Variants in DLGAP2 observed in about 807,000 individuals in gnomAD.
The protein encoded by DLGAP2 is DLG associated protein 2.
A neutral mutation model predicts 100.3 loss-of-function variants in DLGAP2; 26 were observed. That is an observed-to-expected ratio of 0.26 (90% CI 0.19 to 0.36). DLGAP2 has a LOEUF of 0.36. Ranked by LOEUF, DLGAP2 falls within the 10% of genes least tolerant of loss-of-function variation. DLGAP2 has a pLI of 1.00. For missense variants in DLGAP2, 1,858 were observed against 1,453.2 expected (o/e 1.28, Z -4.53); for synonymous variants, 886 against 630.1 (o/e 1.41, Z -6.08).
intron 1 of DLGAP2, among the ~76,000 whole-genome samples, chr8:898,432 G>A (rs891039898): frequency 1.3e-5 from 2 of 152,318 alleles, no homozygotes; most frequent in Admixed American, 1.3e-4. Flanking sequence ...TTTGGTGTGC[G>A]AGCTTTGCAC....
chr8:1,387,704 G>A (rs1297900344), intron 3 of DLGAP2, among the ~76,000 whole-genome samples: 1 of 152,194 alleles, frequency 6.6e-6, no homozygotes, highest in African/African-American at 2.4e-5. Flanking sequence ...GAGGTGGTTG[G>A]TGACTGGTAG....
In DLGAP2 at chr8:1,117,837, G is replaced by C. The variant is rs190486861; in HGVS notation, c.74-141014G>C. ...GCTCAGAGCCTCCCCCTTTCACAGT[G>C]GGCAGCACTGGTTCACAGTTAGGCT... On this transcript the variant is annotated intron_variant, in intron 2 of 14. Coordinates refer to ENST00000637795, the MANE Select transcript of DLGAP2 (RefSeq NM_001346810.2). Among the ~76,000 whole-genome samples the C allele has an allele frequency of 3.6e-3, 546 of 152,194 alleles. 2 individuals carry two copies. Among genetic ancestry groups the C allele is most frequent in the African/African-American group, 0.012 (516 of 41,536 alleles).
chr8:1,278,190 G>A (rs1799744033), intron 3 of DLGAP2, among the ~76,000 whole-genome samples: 1 of 152,174 alleles, frequency 6.6e-6, no homozygotes, highest in Admixed American at 6.5e-5. Flanking sequence ...CTCCACCAAA[G>A]AGCTGTATGC....
At chr8:1,625,813 C>A (rs1013217538) in intron 6 of DLGAP2, among the ~76,000 whole-genome samples, 2 of 152,244 alleles carry the variant, frequency 1.3e-5, no homozygotes, top group South Asian at 2.1e-4. Context: ...TAAATAGCCT[C>A]CCCTATTACT....
In DLGAP2 at chr8:749,458, G is replaced by GT. The variant is rs541042942; in HGVS notation, c.18+11642dup. Among the ~76,000 whole-genome samples, 16 of 149,414 alleles carry GT rather than the reference G, an allele frequency of 1.1e-4. 1 individual carries two copies. Among genetic ancestry groups the GT allele is most frequent in the South Asian group, 6.4e-4 (3 of 4,686 alleles). Reference sequence around the variant, plus strand: ...AAAAATCAGAATTGGAAATTACCTTGTTTTTTTTTCACTTTATATTCTTTT... The same window carrying GT: ...AAAAATCAGAATTGGAAATTACCTTGTTTTTTTTTTCACTTTATATTCTTTT... On this transcript the variant is annotated intron_variant, in intron 1 of 14. Transcript: ENST00000637795.
At chr8:1,512,120 G>A (rs570855922) in intron 4 of DLGAP2, among the ~76,000 whole-genome samples, 67 of 152,320 alleles carry the variant, frequency 4.4e-4, no homozygotes, top group Non-Finnish European at 1.5e-4. Context: ...TCCCTAACGC[G>A]TCTGGTCCAC....
chr8:1,537,728 TGGAAGGAAGGAA>T (rs10523091), intron 4 of DLGAP2, among the ~76,000 whole-genome samples: 17,506 of 136,560 alleles, frequency 0.13, 1,151 homozygotes, highest in Non-Finnish European at 0.14. Flanking sequence ...GATGAAAGGA[TGGAAGGAAGGAA>T]GGAAGGAAGG....
intron 3 of DLGAP2, among the ~76,000 whole-genome samples, chr8:1,322,490 C>T (rs1800926936): frequency 6.6e-6 from 1 of 152,142 alleles, no homozygotes. Context: ...CTGCGTCCTG[C>T]TTCTGTGACT....
intron 4 of DLGAP2, among the ~76,000 whole-genome samples, chr8:1,511,779 G>A (rs1482282124): frequency 2.0e-5 from 3 of 151,824 alleles, no homozygotes; most frequent in Non-Finnish European, 2.9e-5. Flanking sequence ...GTCTAGTGTA[G>A]GACAATCAGT....
At chr8:951,336 C>T (rs1799474464) in intron 2 of DLGAP2, among the ~76,000 whole-genome samples, 2 of 151,188 alleles carry the variant, frequency 1.3e-5, no homozygotes, top group South Asian at 4.2e-4. Flanking sequence ...AACTCTGCCT[C>T]CCAGTTCAAG....
chr8:1,357,338 C>T (rs1801879789), intron 3 of DLGAP2, among the ~76,000 whole-genome samples: 3 of 152,078 alleles, frequency 2.0e-5, no homozygotes, highest in Admixed American at 6.5e-5. Flanking sequence ...ACTCATCACA[C>T]TGACACCCCT....
At chr8:1,090,201 T>A (rs1184188744) in intron 2 of DLGAP2, among the ~76,000 whole-genome samples, 1 of 145,576 alleles carries the variant, frequency 6.9e-6, no homozygotes, top group Non-Finnish European at 1.5e-5. Context: ...CTGCTGCCTG[T>A]CTGCGCTCTG....
intron 3 of DLGAP2, among the ~76,000 whole-genome samples, chr8:1,495,214 G>A (rs1416255390): frequency 6.6e-5 from 10 of 152,158 alleles, no homozygotes; most frequent in Admixed American, 3.3e-4. Flanking sequence ...TGTGGTGGCC[G>A]TGCTGGGTCT....
chr8:1,326,017 G>A (rs1412532322), intron 3 of DLGAP2, among the ~76,000 whole-genome samples: 1 of 152,208 alleles, frequency 6.6e-6, no homozygotes, highest in Non-Finnish European at 1.5e-5. Flanking sequence ...TCAGGACCCA[G>A]TGTAGAATGA....
At chr8:1,316,364 C>T (rs571391331) in intron 3 of DLGAP2, among the ~76,000 whole-genome samples, 22 of 139,092 alleles carry the variant, frequency 1.6e-4, no homozygotes, top group South Asian at 4.7e-4. Flanking sequence ...GTCTCTCCAA[C>T]GGTGGTCTAC....
intron 1 of DLGAP2, among the ~76,000 whole-genome samples, chr8:876,321 G>C (rs1797686630): frequency 6.6e-6 from 1 of 152,086 alleles, no homozygotes; most frequent in Non-Finnish European, 1.5e-5. Flanking sequence ...TGATCTGCTA[G>C]CAATAAATTC....
In DLGAP2 at chr8:954,737, A is replaced by C. The variant is rs371635705; in HGVS notation, c.73+46771A>C. 3.7e-4 allele frequency among the ~76,000 whole-genome samples: 57 copies of C among 152,310 alleles called. 1 individual carries two copies. The highest frequency in any genetic ancestry group is 1.3e-3 in the African/African-American group (52 of 41,560). Reference sequence around the variant, plus strand: ...AAATCAAGGGACTAATTAGTTGAAAATGCATGACACTGGTTAGCCTGGGTG... The same window carrying C: ...AAATCAAGGGACTAATTAGTTGAAACTGCATGACACTGGTTAGCCTGGGTG... On this transcript the variant is annotated intron_variant, in intron 2 of 14. Coordinates refer to ENST00000637795, the MANE Select transcript of DLGAP2 (RefSeq NM_001346810.2).
chr8:868,849 G>A (rs560889988), intron 1 of DLGAP2, among the ~76,000 whole-genome samples: 1 of 152,362 alleles, frequency 6.6e-6, no homozygotes, highest in South Asian at 2.1e-4. Context: ...GCGTCAGGCA[G>A]CCCAGAGTGA....
At chr8:1,080,533 C>G (rs1803770899) in intron 2 of DLGAP2, among the ~76,000 whole-genome samples, 2 of 152,084 alleles carry the variant, frequency 1.3e-5, no homozygotes, top group Admixed American at 1.3e-4. Flanking sequence ...GAATAGGGAC[C>G]TGGCCTCTGT....
Sources: gnomAD v4.1 joint callset for allele counts (sites outside exome capture counted in the v4.1 genomes callset) on GRCh38, gnomAD v4.1.1 for gene constraint, MANE v1.5 for transcripts, NCBI Gene and HGNC (gene_info 2026-07-23, HGNC 2026-07-21) for gene names.